Variants in PLCE1 observed in about 807,000 individuals in gnomAD.
The protein encoded by PLCE1 is 1-phosphatidylinositol 4,5-bisphosphate phosphodiesterase epsilon-1.
PLCE1 carries 119 observed loss-of-function variants against 242.8 expected under a neutral mutation model. The observed-to-expected ratio is 0.49, with a 90% CI of 0.42 to 0.57. The LOEUF (loss-of-function observed/expected upper bound fraction) is 0.57, where lower values mean the gene tolerates loss of function less well. Ranked by LOEUF, PLCE1 falls within the 20% of genes least tolerant of loss-of-function variation. The probability of loss-of-function intolerance (pLI) is 0.00; values close to 1 mark genes in which losing one functional copy is unlikely to be tolerated. For missense variants in PLCE1, 2,441 were observed against 2,788.8 expected, an observed-to-expected ratio of 0.88 and a Z score of 2.81; for synonymous variants, 945 against 1,017.4, an observed-to-expected ratio of 0.93 and a Z score of 1.35.
chr10:94,120,600 G>A (rs1394587693), intron 2 of PLCE1: 5 of 152,210 alleles, frequency 3.3e-5, no homozygotes, highest in East Asian at 1.9e-4. Context: ...AAGAAATACA[G>A]TGCATTTAAT....
chr10:94,008,160 C>T (rs533565489), intron 1 of PLCE1, among the ~76,000 whole-genome samples: 29 of 146,034 alleles, frequency 2.0e-4, no homozygotes, highest in Non-Finnish European at 1.6e-4. Context: ...CCACTGCACT[C>T]CAGCCTGGAC....
At chr10:94,127,394 G>T (rs1030325870) in intron 2 of PLCE1, among the ~76,000 whole-genome samples, 2 of 152,176 alleles carry the variant, frequency 1.3e-5, no homozygotes, top group Non-Finnish European at 2.9e-5. Flanking sequence ...ATCAGCCAAG[G>T]TGACAGGGGT....
intron 2 of PLCE1, among the ~76,000 whole-genome samples, chr10:94,053,991 G>A (rs1268306042): frequency 6.6e-6 from 1 of 152,182 alleles, no homozygotes; most frequent in Admixed American, 6.5e-5. Context: ...GAAACAGGCA[G>A]TAAGAGTGTC....
chr10:94,137,375 C>T (rs1281129119), intron 3 of PLCE1, among the ~76,000 whole-genome samples: 16 of 151,802 alleles, frequency 1.1e-4, no homozygotes, highest in Admixed American at 1.0e-3. Context: ...GTTTTACCTA[C>T]TGAAAATTAT....
intron 3 of PLCE1, among the ~76,000 whole-genome samples, chr10:94,136,803 C>T (rs1363377032): frequency 6.6e-6 from 1 of 152,192 alleles, no homozygotes; most frequent in African/African-American, 2.4e-5. Context: ...CATTGATCCA[C>T]AAGGATATGC....
In PLCE1 at chr10:94,270,484, A is replaced by G; in HGVS notation, c.4390-2A>G. The G allele has an allele frequency of 6.2e-7, 1 of 1,602,370 alleles. No individual in the cohort carries two copies. The highest frequency in any genetic ancestry group is 8.6e-7 in the Non-Finnish European group (1 of 1,169,432). ...TCTAATGAGCTGTTTTGGCTCTCAT[A>G]GGAAGTGGTTGAAGCCATTGATCGC... On this transcript the variant is annotated splice_acceptor_variant, in intron 17 of 32. Transcript: ENST00000371380. LOFTEE classifies it high-confidence loss of function.
At position 94,258,809 on chromosome 10, in the gene PLCE1, C is replaced by T; in HGVS notation, c.3564C>T (p.Ser1188=). Residue 1188 remains serine (S), a synonymous_variant, in exon 12 of 33, where the codon AGC becomes AGT. Transcript: ENST00000371380. ...SSNKSPSSAW[S]SSSWHGRIKG... Reference sequence around the variant, plus strand: ...CTTGTCTTTGTTGCAGTGCTTGGAGCAGTAGTAGCTGGCACGGGCGGATCA... The same window carrying T: ...CTTGTCTTTGTTGCAGTGCTTGGAGTAGTAGTAGCTGGCACGGGCGGATCA... 1.2e-6 allele frequency: 2 copies of T among 1,614,048 alleles called. No homozygotes were observed. Among genetic ancestry groups the T allele is most frequent in the Non-Finnish European group, 8.5e-7 (1 of 1,179,984 alleles).
At chr10:94,268,319 A>G (rs555070164) in intron 16 of PLCE1, among the ~76,000 whole-genome samples, 68 of 152,304 alleles carry the variant, frequency 4.5e-4, no homozygotes, top group South Asian at 2.7e-3. Flanking sequence ...GGAGAAAGGA[A>G]CCATTTATGG....
At chr10:94,068,583 C>T (rs7096354) in intron 2 of PLCE1, among the ~76,000 whole-genome samples, 61,788 of 151,964 alleles carry the variant, frequency 0.41, 16,079 homozygotes, top group African/African-American at 0.75. Context: ...GAGGGGGTCC[C>T]GGAACCAATG....
intron 7 of PLCE1, among the ~76,000 whole-genome samples, chr10:94,243,434 AC>A (rs2050576632): frequency 6.6e-6 from 1 of 152,212 alleles, no homozygotes; most frequent in African/African-American, 2.4e-5. Flanking sequence ...GACATTAAAA[AC>A]TAAGAAAATC....
intron 2 of PLCE1, among the ~76,000 whole-genome samples, chr10:94,038,183 C>T (rs2061701036): frequency 6.6e-6 from 1 of 152,112 alleles, no homozygotes; most frequent in Admixed American, 6.5e-5. Context: ...TAAGGGAGTC[C>T]TGGGGTTAGA....
At chr10:94,258,958 GC>G (rs34702180) in intron 12 of PLCE1, 36 bp downstream of exon 12, 7 of 1,613,598 alleles carry the variant, frequency 4.3e-6, no homozygotes, top group Admixed American at 3.3e-5. Context: ...TCTTTCTCAG[GC>G]CCCCCCATTT....
At chr10:94,037,831 T>C (rs932300049) in intron 2 of PLCE1, among the ~76,000 whole-genome samples, 1 of 152,220 alleles carries the variant, frequency 6.6e-6, no homozygotes, top group Non-Finnish European at 1.5e-5. Context: ...AGAGCGGGAA[T>C]GAAAAACCTT....
chr10:94,124,577 G>T (rs1444522023), intron 2 of PLCE1, among the ~76,000 whole-genome samples: 1 of 152,080 alleles, frequency 6.6e-6, no homozygotes, highest in Non-Finnish European at 1.5e-5. Context: ...CAATTACACA[G>T]TACAGACTGT....
rs2051713565 is a variant in PLCE1 at position 94,271,106 on chromosome 10, A to G, written c.4506+504A>G. Among the ~76,000 whole-genome samples, 4 of 151,926 alleles carry G rather than the reference A, an allele frequency of 2.6e-5. 1 individual carries two copies. In the South Asian group the frequency reaches 8.3e-4, roughly 32 times the overall value. On this transcript the variant is annotated intron_variant, in intron 18 of 32. Coordinates refer to ENST00000371380, the MANE Select transcript of PLCE1 (RefSeq NM_016341.4). ...CTGGGCCCTCTCTGGGATGGTCCCT[A>G]TTTTCAGCTGGAGTGATATAAGTAT...
In PLCE1 at chr10:94,246,411, G is replaced by A. The variant is rs1564824897; in HGVS notation, c.2886G>A (p.Leu962=). 6.2e-7 allele frequency: 1 copy of A among 1,614,132 alleles called. No homozygotes were observed. The highest frequency in any genetic ancestry group is 1.7e-5 in the Admixed American group (1 of 60,020). The change falls in exon 8 of 33, where the codon CTG becomes CTA. Residue 962 remains leucine (L), a synonymous_variant. Coordinates refer to ENST00000371380, the MANE Select transcript of PLCE1 (RefSeq NM_016341.4). ...DIHTVCVQNK[L]GSMFLSETGV... ...ACACTGTGTGTGTTCAGAACAAACT[G>A]GGTAGCATGTTCCTGTCAGAGACTG...
At chr10:94,094,580 T>C (rs2045227855) in intron 2 of PLCE1, 1 of 152,148 alleles carries the variant, frequency 6.6e-6, no homozygotes, top group South Asian at 2.1e-4. Flanking sequence ...AGCCCTCACA[T>C]GAAAGTTGGA....
intron 2 of PLCE1, among the ~76,000 whole-genome samples, chr10:94,077,237 G>A (rs976572159): frequency 6.6e-6 from 1 of 152,222 alleles, no homozygotes; most frequent in Admixed American, 6.5e-5. Context: ...GACATTTTCA[G>A]TTGTCAACAA....
At chr10:94,061,183 A>G (rs1205514141) in intron 2 of PLCE1, among the ~76,000 whole-genome samples, 1 of 152,168 alleles carries the variant, frequency 6.6e-6, no homozygotes, top group Non-Finnish European at 1.5e-5. Flanking sequence ...CTTCCTGATC[A>G]GAGAGAACTT....
Sources: gnomAD v4.1 joint callset for allele counts (sites outside exome capture counted in the v4.1 genomes callset) on GRCh38, gnomAD v4.1.1 for gene constraint, MANE v1.5 for transcripts, NCBI Gene and HGNC (gene_info 2026-07-23, HGNC 2026-07-21) for gene names.